Variants in CSMD2 observed in about 807,000 individuals in gnomAD.
CSMD2 encodes CUB and sushi domain-containing protein 2.
In CSMD2, 130 loss-of-function variants were observed where a neutral mutation model predicts 398.5. The ratio of observed to expected loss-of-function variants is 0.33; its 90% CI spans 0.28 to 0.38. The LOEUF is 0.38. Among genes scored for constraint, CSMD2 ranks in the 10% least tolerant of loss-of-function variants. CSMD2 has a pLI of 1.00. For missense variants in CSMD2, 3,829 were observed against 4,764.9 expected (o/e 0.80, Z 5.78); for synonymous variants, 1,828 against 1,908.5 (o/e 0.96, Z 1.10).
chr1:34,133,626 G>T (rs1038338688), intron 1 of CSMD2, among the ~76,000 whole-genome samples: 2 of 151,578 alleles, frequency 1.3e-5, no homozygotes, highest in African/African-American at 4.9e-5. Flanking sequence ...GCAAGACTCT[G>T]TCCAAAAGAA....
At chr1:33,675,905 A>G (rs1417679789) in intron 25 of CSMD2, among the ~76,000 whole-genome samples, 2 of 152,264 alleles carry the variant, frequency 1.3e-5, no homozygotes, top group Non-Finnish European at 2.9e-5. Context: ...ACAAAATTCA[A>G]CAACTCTTCA....
chr1:33,734,638 A>G (rs1482937427), intron 15 of CSMD2, among the ~76,000 whole-genome samples: 1 of 152,094 alleles, frequency 6.6e-6, no homozygotes, highest in East Asian at 1.9e-4. Flanking sequence ...TACAAAAATT[A>G]GCCAGGCATG....
At chr1:34,035,066 T>C (rs4652984) in intron 2 of CSMD2, among the ~76,000 whole-genome samples, 51,134 of 151,986 alleles carry the variant, frequency 0.34, 8,935 homozygotes, top group African/African-American at 0.39. Context: ...CTTAACAACA[T>C]GATAATAAGG....
intron 54 of CSMD2, among the ~76,000 whole-genome samples, chr1:33,558,345 C>G (rs879609270): frequency 6.6e-6 from 1 of 152,150 alleles, no homozygotes; most frequent in African/African-American, 2.4e-5. Context: ...CAGGGTTGGG[C>G]TCTTTTGAAA....
At chr1:33,808,627 T>C (rs114464374) in intron 10 of CSMD2, among the ~76,000 whole-genome samples, 2,495 of 152,114 alleles carry the variant, frequency 0.016, 41 homozygotes, top group South Asian at 0.044. Context: ...TAGCCTTTGA[T>C]GCTTAAATCA....
chr1:33,539,631 CA>C (rs370744757), intron 60 of CSMD2, among the ~76,000 whole-genome samples: 57 of 152,320 alleles, frequency 3.7e-4, no homozygotes, highest in African/African-American at 1.3e-3. Flanking sequence ...AGTGTGAGTT[CA>C]GATGACTTTT....
At chr1:33,539,774 T>C (rs1171888756) in intron 60 of CSMD2, among the ~76,000 whole-genome samples, 1 of 152,184 alleles carries the variant, frequency 6.6e-6, no homozygotes, top group African/African-American at 2.4e-5. Flanking sequence ...CCTGGTAGTA[T>C]GTGAAGGTTG....
At chr1:33,676,898 G>T (rs1423286240) in intron 25 of CSMD2, among the ~76,000 whole-genome samples, 1 of 152,170 alleles carries the variant, frequency 6.6e-6, no homozygotes, top group Non-Finnish European at 1.5e-5. Context: ...GGGAAAACTG[G>T]CTAGCCATAT....
At chr1:33,792,376 C>A (rs767525108) in intron 11 of CSMD2, 47 bp downstream of exon 11, 3 of 1,436,044 alleles carry the variant, frequency 2.1e-6, no homozygotes, top group Admixed American at 1.7e-5. Context: ...CCCCACCAAC[C>A]CCAGCCACCG....
intron 12 of CSMD2, among the ~76,000 whole-genome samples, chr1:33,781,760 T>C (rs1305764156): frequency 6.6e-6 from 1 of 152,212 alleles, no homozygotes; most frequent in Non-Finnish European, 1.5e-5. Flanking sequence ...AATTGCCTGT[T>C]CCTTAAATAT....
At chr1:33,664,357 C>A (rs571800021) in intron 25 of CSMD2, among the ~76,000 whole-genome samples, 2 of 152,212 alleles carry the variant, frequency 1.3e-5, no homozygotes, top group East Asian at 3.9e-4. Context: ...AAAAACATCA[C>A]CCTCATTTTT....
intron 5 of CSMD2, among the ~76,000 whole-genome samples, chr1:33,861,813 G>A (rs543965486): frequency 6.6e-6 from 1 of 152,160 alleles, no homozygotes; most frequent in African/African-American, 2.4e-5. Flanking sequence ...TGGAAGGAGA[G>A]AGTCATTTAG....
At position 33,890,376 on chromosome 1, in the gene CSMD2, G is replaced by A. The variant is rs1483623610; in HGVS notation, c.920+27718C>T. 1.3e-4 allele frequency among the ~76,000 whole-genome samples: 19 copies of A among 151,698 alleles called. No homozygotes were observed. The South Asian group carries it at 1.3e-3, about 10-fold the overall frequency. Reference sequence around the variant, plus strand: ...CTCCCAAGTAGCTGGGAGTAAAGGCGTCTGCCACCACGCCTGGCTAATTTT... The same window carrying A: ...CTCCCAAGTAGCTGGGAGTAAAGGCATCTGCCACCACGCCTGGCTAATTTT... On this transcript the variant is annotated intron_variant, in intron 5 of 70. Transcript: ENST00000373381.
chr1:33,623,297 G>T, intron 36 of CSMD2, 73 bp downstream of exon 36: 2 of 962,088 alleles, frequency 2.1e-6, no homozygotes, highest in South Asian at 1.4e-5. Flanking sequence ...TAATAATAAT[G>T]ATAATAACAA....
At chr1:33,632,191 A>C (rs1928347) in intron 32 of CSMD2, among the ~76,000 whole-genome samples, 1 of 152,038 alleles carries the variant, frequency 6.6e-6, no homozygotes, top group Non-Finnish European at 1.5e-5. Flanking sequence ...GATGAAACTA[A>C]GAAGTGAAAG....
At chr1:33,712,908 T>C (rs565953) in intron 21 of CSMD2, among the ~76,000 whole-genome samples, 83,472 of 152,046 alleles carry the variant, frequency 0.55, 23,688 homozygotes, top group African/African-American at 0.69. Flanking sequence ...TATTTAATTG[T>C]TCAGAAATGG....
In CSMD2 at chr1:34,084,202, A is replaced by T. The variant is rs939120965; in HGVS notation, c.404+4775T>A. On this transcript the variant is annotated intron_variant, in intron 2 of 70. Transcript: ENST00000373381. ...CATCTGATTCTTCTGCATCCTAAGGACAAGAGGAAGCCTTCCCTGCCAGAA... is the reference window on the plus strand; with the variant it reads ...CATCTGATTCTTCTGCATCCTAAGGTCAAGAGGAAGCCTTCCCTGCCAGAA... 1.3e-4 allele frequency among the ~76,000 whole-genome samples: 20 copies of T among 152,232 alleles called. No homozygotes were observed. The South Asian group carries it at 3.1e-3, about 24-fold the overall frequency.
intron 3 of CSMD2, among the ~76,000 whole-genome samples, chr1:33,938,607 G>C (rs1644561279): frequency 6.6e-6 from 1 of 151,698 alleles, no homozygotes; most frequent in Non-Finnish European, 1.5e-5. Context: ...CCATGTTGCT[G>C]GCTTACTTGG....
At chr1:33,876,644 T>C (rs1449567502) in intron 5 of CSMD2, among the ~76,000 whole-genome samples, 2 of 152,136 alleles carry the variant, frequency 1.3e-5, no homozygotes, top group African/African-American at 4.8e-5. Flanking sequence ...TTGCTTGAGG[T>C]CACACAGCTA....
Sources: allele counts gnomAD v4.1 joint callset (sites outside exome capture counted in the v4.1 genomes callset), GRCh38; gene constraint gnomAD v4.1.1; transcripts MANE v1.5; gene names NCBI Gene and HGNC (gene_info 2026-07-23, HGNC 2026-07-21).